The following FRMPD4 variants were observed in gnomAD, a reference collection of about 807,000 sequenced individuals.
The protein encoded by FRMPD4 is FERM and PDZ domain-containing protein 4.
In FRMPD4, 22 loss-of-function variants were observed where a neutral mutation model predicts 94.1. The ratio of observed to expected loss-of-function variants is 0.23; its 90% CI spans 0.17 to 0.33. The LOEUF is 0.33. Among genes scored for constraint, FRMPD4 ranks in the 10% least tolerant of loss-of-function variants. The probability of loss-of-function intolerance (pLI) is 1.00; values close to 1 mark genes in which losing one functional copy is unlikely to be tolerated. For missense variants in FRMPD4, 1,111 were observed against 1,339.9 expected (o/e 0.83, Z 2.67); for synonymous variants, 631 against 548.6 (o/e 1.15, Z -2.10).
chrX:12,031,648 T>G (rs2054692697), intron 3 of FRMPD4, among the ~76,000 whole-genome samples: 1 of 111,698 alleles, frequency 9.0e-6, no homozygotes, highest in African/African-American at 3.3e-5. Flanking sequence ...GTGATACTTG[T>G]TAAACGTGCT....
At chrX:12,670,848 G>A (rs895098578) in intron 4 of FRMPD4, among the ~76,000 whole-genome samples, 2 of 111,925 alleles carry the variant, frequency 1.8e-5, no homozygotes, top group Non-Finnish European at 3.8e-5. Context: ...ACCTGACAAA[G>A]GGCTAATATC....
At chrX:12,402,291 T>C (rs766078761) in intron 1 of FRMPD4, among the ~76,000 whole-genome samples, 26 of 111,273 alleles carry the variant, frequency 2.3e-4, no homozygotes, top group African/African-American at 8.5e-4. Flanking sequence ...GGAAGAAGTC[T>C]CTGTGCAAGT....
rs747675182 is a variant in FRMPD4, at chrX:12,332,026, A to ATATATAT, written c.42-166652_42-166646dup. Among the ~76,000 whole-genome samples the ATATATAT allele has an allele frequency of 1.2e-3, 79 of 64,720 alleles. 4 individuals are homozygous for ATATATAT. Among genetic ancestry groups the ATATATAT allele is most frequent in the African/African-American group, 6.4e-3 (71 of 11,168 alleles). The allele number at this position is 64,720 out of a possible 115,157, so 56.2% of individuals were successfully genotyped here. A position where few individuals can be genotyped will look rare whatever the true frequency, so the allele number is the denominator to read the frequency against. ...TATATTTATATACTATATATAAATTATATATATTTATATACTATATATAAA... is the reference window on the plus strand; with the variant it reads ...TATATTTATATACTATATATAAATTATATATATTATATATTTATATACTATATATAAA... On this transcript the variant is annotated intron_variant, in intron 1 of 16. Coordinates refer to ENST00000675598, the MANE Select transcript of FRMPD4 (RefSeq NM_001368397.1).
chrX:12,356,303 T>G (rs1036845304), intron 1 of FRMPD4, among the ~76,000 whole-genome samples: 1 of 112,364 alleles, frequency 8.9e-6, no homozygotes, highest in African/African-American at 3.2e-5. Context: ...GAAATATTTT[T>G]ATTTTCTTCA....
intron 1 of FRMPD4, among the ~76,000 whole-genome samples, chrX:12,173,831 A>T (rs757663647): frequency 8.7e-4 from 96 of 110,808 alleles, no homozygotes; most frequent in Non-Finnish European, 1.5e-3. Flanking sequence ...TCTGCAGCAC[A>T]CAAGTCCACA....
At chrX:12,554,621 GT>G (rs1276009511) in intron 2 of FRMPD4, among the ~76,000 whole-genome samples, 1 of 110,858 alleles carries the variant, frequency 9.0e-6, no homozygotes, top group Non-Finnish European at 1.9e-5. Flanking sequence ...TCATATCTTT[GT>G]TTTTTTTGAG....
At chrX:12,335,671 A>G (rs761813835) in intron 1 of FRMPD4, among the ~76,000 whole-genome samples, 3 of 111,160 alleles carry the variant, frequency 2.7e-5, no homozygotes, top group Non-Finnish European at 5.7e-5. Flanking sequence ...TGTTTCCACC[A>G]GGAGACTGAG....
intron 3 of FRMPD4, among the ~76,000 whole-genome samples, chrX:11,944,961 T>C (rs1331200077): frequency 1.8e-5 from 2 of 112,341 alleles, no homozygotes; most frequent in African/African-American, 6.5e-5. Flanking sequence ...ATAAATGTTA[T>C]AGAAGCAACA....
At chrX:11,831,538 T>TG (rs777550454) in intron 1 of FRMPD4, among the ~76,000 whole-genome samples, 48 of 111,993 alleles carry the variant, frequency 4.3e-4, no homozygotes, top group African/African-American at 1.6e-3. Flanking sequence ...AAGATGAGTC[T>TG]GGGGCTCTTA....
intron 1 of FRMPD4, among the ~76,000 whole-genome samples, chrX:11,823,217 T>C (rs1265421302): frequency 9.1e-6 from 1 of 110,471 alleles, no homozygotes; most frequent in Non-Finnish European, 1.9e-5. Flanking sequence ...TTTGCTTGGA[T>C]TTTAGAAAAA....
chrX:12,583,045 A>G (rs984701233), intron 2 of FRMPD4, among the ~76,000 whole-genome samples: 4 of 111,360 alleles, frequency 3.6e-5, no homozygotes, highest in Non-Finnish European at 7.5e-5. Flanking sequence ...TCCCTCCTCA[A>G]TCAAGCTTTT....
intron 1 of FRMPD4, among the ~76,000 whole-genome samples, chrX:12,473,855 C>A (rs1402095401): frequency 1.8e-5 from 2 of 109,803 alleles, no homozygotes; most frequent in Non-Finnish European, 3.8e-5. Context: ...GACTCCCACA[C>A]AATAATAATG....
At chrX:12,096,653 G>C (rs1015431858) in intron 3 of FRMPD4, among the ~76,000 whole-genome samples, 1 of 111,679 alleles carries the variant, frequency 9.0e-6, no homozygotes, top group African/African-American at 3.3e-5. Flanking sequence ...AGGAGGCTGG[G>C]GCAGTAGGGT....
At chrX:11,823,303 A>AT (rs1490133313) in intron 1 of FRMPD4, among the ~76,000 whole-genome samples, 4 of 108,966 alleles carry the variant, frequency 3.7e-5, no homozygotes, top group African/African-American at 1.0e-4. Flanking sequence ...TATAATAATA[A>AT]TAATTATTAT....
chrX:12,463,681 G>GTGTTTTTTTTTTTTTTTT lies in FRMPD4; in HGVS notation c.42-34998_42-34997insGTTTTTTTTTTTTTTTTT, dbSNP rs1555969426. ...GGGTGCCTGTGCCTCCTATGTGTGT[G>GTGTTTTTTTTTTTTTTTT]TTTTTTTTTTGTTTTTGTTTTTTTT... On this transcript the variant is annotated intron_variant, in intron 1 of 16. Coordinates refer to ENST00000675598, the MANE Select transcript of FRMPD4 (RefSeq NM_001368397.1). 7.8e-5 allele frequency among the ~76,000 whole-genome samples: 4 copies of GTGTTTTTTTTTTTTTTTT among 51,046 alleles called. 2 individuals carry two copies. Among genetic ancestry groups the GTGTTTTTTTTTTTTTTTT allele is most frequent in the Non-Finnish European group, 6.8e-5 (2 of 29,312 alleles). 44.3% of individuals were successfully genotyped at this position (51,046 alleles called of 115,157 possible). A position where few individuals can be genotyped will look rare whatever the true frequency, so the allele number is the denominator to read the frequency against.
intron 4 of FRMPD4, among the ~76,000 whole-genome samples, chrX:12,647,754 G>C (rs1277673575): frequency 2.7e-5 from 3 of 111,812 alleles, no homozygotes; most frequent in African/African-American, 9.7e-5. Flanking sequence ...TTAAATCACA[G>C]GGTAAAGAGG....
At chrX:12,295,999 T>C (rs1262309285) in intron 1 of FRMPD4, among the ~76,000 whole-genome samples, 1 of 111,121 alleles carries the variant, frequency 9.0e-6, no homozygotes, top group Non-Finnish European at 1.9e-5. Context: ...TCAGGTTGGA[T>C]AATTTTTTCT....
intron 1 of FRMPD4, among the ~76,000 whole-genome samples, chrX:12,376,223 A>G (rs2056235247): frequency 8.9e-6 from 1 of 112,326 alleles, no homozygotes; most frequent in Non-Finnish European, 1.9e-5. Context: ...CTGTTTCCAT[A>G]TACCCCTGAA....
At position 12,308,980 on chromosome X, in the gene FRMPD4, G is replaced by A. The variant is rs774763706; in HGVS notation, c.41+169968G>A. Among the ~76,000 whole-genome samples, 4 of 112,808 alleles carry A rather than the reference G, an allele frequency of 3.5e-5. No individual in the cohort carries two copies. In the East Asian group the frequency reaches 1.1e-3, roughly 31 times the overall value. On this transcript the variant is annotated intron_variant, in intron 1 of 16. Coordinates refer to ENST00000675598, the MANE Select transcript of FRMPD4 (RefSeq NM_001368397.1). ...AGCTAGAAATATTTTACTTATGGCT[G>A]AGATATTCCCTCCCTGGATTTCTTC...
Sources: allele counts gnomAD v4.1 joint callset (sites outside exome capture counted in the v4.1 genomes callset), GRCh38; gene constraint gnomAD v4.1.1; transcripts MANE v1.5; gene names NCBI Gene and HGNC (gene_info 2026-07-23, HGNC 2026-07-21).